The following VWC2 variants were observed in gnomAD, a reference collection of about 807,000 sequenced individuals.
VWC2 encodes brorin.
Under a neutral mutation model 29.8 loss-of-function variants are expected in VWC2, and 14 were observed. The observed-to-expected ratio is 0.47, with a 90% confidence interval of 0.31 to 0.74. The LOEUF (loss-of-function observed/expected upper bound fraction) is 0.74, where lower values mean the gene tolerates loss of function less well. Among genes scored for constraint, VWC2 ranks in the 30% least tolerant of loss-of-function variants. VWC2 has a pLI of 0.05. For synonymous variants in VWC2, 213 were observed against 199.0 expected, an observed-to-expected ratio of 1.07 and a Z score of -0.59; for missense variants, 457 against 459.8, an observed-to-expected ratio of 0.99 and a Z score of 0.05.
At chr7:49,911,944 CACAT>C in intron 3 of VWC2, 86 bp from the exon 4 acceptor site, 6 of 1,039,370 alleles carry the variant, frequency 5.8e-6, no homozygotes, top group East Asian at 6.0e-5. Flanking sequence ...CACACACACA[CACAT>C]ATATATACTG....
chr7:49,810,283 A>C (rs890569192), intron 3 of VWC2, among the ~76,000 whole-genome samples: 6 of 152,092 alleles, frequency 3.9e-5, no homozygotes, highest in African/African-American at 1.4e-4. Flanking sequence ...AATTAAGAAA[A>C]TAATTTCATT....
chr7:49,867,947 T>C (rs922967431), intron 3 of VWC2, among the ~76,000 whole-genome samples: 20 of 152,168 alleles, frequency 1.3e-4, no homozygotes, highest in African/African-American at 4.3e-4. Context: ...AATTCTCCTG[T>C]CTCAGCCTAC....
At chr7:49,873,865 A>G (rs1160620319) in intron 3 of VWC2, among the ~76,000 whole-genome samples, 1 of 151,702 alleles carries the variant, frequency 6.6e-6, no homozygotes, top group Non-Finnish European at 1.5e-5. Flanking sequence ...CAGCATTTAT[A>G]TTTATGCCAA....
chr7:49,915,253 G>A lies in VWC2; in HGVS notation c.*3068G>A, dbSNP rs968733707. ...ATTAGATGCACTCCAGTCCAGGCAA[G>A]TCCTGCTATAATGTTGCAGCTAGTG... On this transcript the variant is annotated 3_prime_UTR_variant, in exon 4 of 4. Transcript: ENST00000340652. The A allele has an allele frequency of 6.6e-6, 1 of 152,188 alleles. No individual in the cohort carries two copies. Among genetic ancestry groups the A allele is most frequent in the Non-Finnish European group, 1.5e-5 (1 of 68,040 alleles). The allele number at this position is 152,188 out of a possible 1,614,324, so 9.4% of individuals were successfully genotyped here.
chr7:49,817,560 T>C (rs1170447022), intron 3 of VWC2, among the ~76,000 whole-genome samples: 1 of 152,198 alleles, frequency 6.6e-6, no homozygotes, highest in Non-Finnish European at 1.5e-5. Flanking sequence ...TAAAATACCC[T>C]CTTTGTTGAT....
chr7:49,774,932 T>C (rs147514435), intron 1 of VWC2, among the ~76,000 whole-genome samples: 481 of 152,304 alleles, frequency 3.2e-3, no homozygotes, highest in Non-Finnish European at 5.6e-3. Context: ...CACTGCTGAA[T>C]TCTCCATTTA....
chr7:49,893,986 C>T (rs553974978), intron 3 of VWC2, among the ~76,000 whole-genome samples: 64 of 152,326 alleles, frequency 4.2e-4, no homozygotes, highest in African/African-American at 1.5e-3. Flanking sequence ...GCTTGGAGTT[C>T]TGCTCCATGG....
intron 3 of VWC2, among the ~76,000 whole-genome samples, chr7:49,820,089 A>G (rs1789232718): frequency 6.6e-6 from 1 of 151,472 alleles, no homozygotes; most frequent in Non-Finnish European, 1.5e-5. Context: ...CATTACTTTG[A>G]GAGAGATTGA....
chr7:49,918,599 C>T lies in VWC2; in HGVS notation c.*6414C>T, dbSNP rs1793847160. 1 of 152,126 alleles carries T rather than the reference C, an allele frequency of 6.6e-6. No individual in the cohort carries two copies. Among genetic ancestry groups the T allele is most frequent in the Non-Finnish European group, 1.5e-5 (1 of 68,018 alleles). The allele number at this position is 152,126 out of a possible 1,614,324, so 9.4% of individuals were successfully genotyped here. Reference sequence around the variant, plus strand: ...TCATATTGAAATTTACAAAATATAACCAAATATTGTGACCCAGTTTTTCTG... The same window carrying T: ...TCATATTGAAATTTACAAAATATAATCAAATATTGTGACCCAGTTTTTCTG... On this transcript the variant is annotated 3_prime_UTR_variant, in exon 4 of 4. Coordinates refer to ENST00000340652, the MANE Select transcript of VWC2 (RefSeq NM_198570.5).
Position 49,919,623 on chromosome 7 carries a change from G to T in VWC2, c.*7438G>T, listed in dbSNP as rs1227249833. 6 of 152,096 alleles carry T rather than the reference G, an allele frequency of 3.9e-5. No individual in the cohort carries two copies. The highest frequency in any genetic ancestry group is 8.8e-5 in the Non-Finnish European group (6 of 68,010). 9.4% of individuals were successfully genotyped at this position (152,096 alleles called of 1,614,324 possible). A position where few individuals can be genotyped will look rare whatever the true frequency, so the allele number is the denominator to read the frequency against. ...TTAATTATAAAAATAATCTACCCAT[G>T]TTACATAATGTTAAATCTGTAGTTT... On this transcript the variant is annotated 3_prime_UTR_variant, in exon 4 of 4. Coordinates refer to ENST00000340652, the MANE Select transcript of VWC2 (RefSeq NM_198570.5).
intron 3 of VWC2, among the ~76,000 whole-genome samples, chr7:49,855,711 C>T (rs749729262): frequency 6.6e-6 from 1 of 152,148 alleles, no homozygotes; most frequent in African/African-American, 2.4e-5. Context: ...CAGGCAAAAA[C>T]GAGTCCCCTG....
At chr7:49,791,275 C>T (rs1031635078) in intron 2 of VWC2, among the ~76,000 whole-genome samples, 17 of 152,318 alleles carry the variant, frequency 1.1e-4, no homozygotes, top group Admixed American at 5.9e-4. Context: ...AAGGCACTTT[C>T]GCCATCTGGT....
chr7:49,789,267 GA>G (rs1368158912), intron 2 of VWC2, among the ~76,000 whole-genome samples: 4 of 144,878 alleles, frequency 2.8e-5, no homozygotes, highest in East Asian at 2.0e-4. Context: ...GGGTGTGTGT[GA>G]GCGGGTGTGT....
At chr7:49,825,476 G>A (rs1368562122) in intron 3 of VWC2, among the ~76,000 whole-genome samples, 1 of 152,178 alleles carries the variant, frequency 6.6e-6, no homozygotes, top group Non-Finnish European at 1.5e-5. Context: ...TGGAATCACA[G>A]TGTGGATATA....
chr7:49,869,769 G>A (rs1791059144), intron 3 of VWC2, among the ~76,000 whole-genome samples: 1 of 152,130 alleles, frequency 6.6e-6, no homozygotes. Flanking sequence ...ACATCCAAGA[G>A]AATTGGATGT....
At chr7:49,896,432 AAAAGAG>A (rs1404500644) in intron 3 of VWC2, among the ~76,000 whole-genome samples, 2 of 152,234 alleles carry the variant, frequency 1.3e-5, no homozygotes, top group Non-Finnish European at 2.9e-5. Context: ...CTCACATTAG[AAAAGAG>A]AAAAAAATTC....
chr7:49,824,974 A>C (rs957208704), intron 3 of VWC2, among the ~76,000 whole-genome samples: 1 of 152,078 alleles, frequency 6.6e-6, no homozygotes, highest in African/African-American at 2.4e-5. Flanking sequence ...TCCTAAGCCC[A>C]AATTATACAT....
At chr7:49,840,446 G>GC (rs1022687837) in intron 3 of VWC2, among the ~76,000 whole-genome samples, 2 of 152,116 alleles carry the variant, frequency 1.3e-5, no homozygotes, top group African/African-American at 4.8e-5. Flanking sequence ...TTATCAGGAT[G>GC]TGCCAGCTGC....
chr7:49,863,115 GT>G (rs1377702951), intron 3 of VWC2, among the ~76,000 whole-genome samples: 2 of 152,108 alleles, frequency 1.3e-5, no homozygotes, highest in Non-Finnish European at 2.9e-5. Context: ...TTGTTGGGAG[GT>G]TTTGGATTAC....
Sources: allele counts gnomAD v4.1 joint callset (sites outside exome capture counted in the v4.1 genomes callset), GRCh38; gene constraint gnomAD v4.1.1; transcripts MANE v1.5; gene names NCBI Gene and HGNC (gene_info 2026-07-23, HGNC 2026-07-21).